DEPDC5: variants seen among roughly 807,000 people sequenced by gnomAD.
DEPDC5 encodes GATOR1 complex protein DEPDC5.
In DEPDC5, 73 loss-of-function variants were observed where a neutral mutation model predicts 217.3. The ratio of observed to expected loss-of-function variants is 0.34; its 90% CI spans 0.28 to 0.41. The LOEUF is 0.41. Among genes scored for constraint, DEPDC5 ranks in the 10% least tolerant of loss-of-function variants. The pLI is 1.00. For synonymous variants in DEPDC5, 733 were observed against 756.7 expected (o/e 0.97, Z 0.51); for missense variants, 1,675 against 2,070.1 (o/e 0.81, Z 3.70).
chr22:31,860,087 C>G (rs1400510052), intron 32 of DEPDC5, among the ~76,000 whole-genome samples: 1 of 152,224 alleles, frequency 6.6e-6, no homozygotes. Context: ...TTAGAACCCT[C>G]TCCTGATTGT....
chr22:31,824,093 G>A (rs2089947544), intron 24 of DEPDC5, among the ~76,000 whole-genome samples: 1 of 152,238 alleles, frequency 6.6e-6, no homozygotes, highest in South Asian at 2.1e-4. Flanking sequence ...GCTCACGCCT[G>A]TAATGCTCAC....
intron 27 of DEPDC5, 38 bp downstream of exon 27, chr22:31,838,883 C>G: frequency 3.8e-6 from 6 of 1,592,964 alleles, no homozygotes; most frequent in Non-Finnish European, 4.3e-6. Flanking sequence ...TTTTTCTCTT[C>G]TACTGTGTAT....
intron 35 of DEPDC5, chr22:31,873,725 C>T (rs12167583): frequency 0.32 from 53,043 of 165,210 alleles, 9,635 homozygotes; most frequent in African/African-American, 0.5. Context: ...AGGTATTCTC[C>T]GAATGTGAGT....
At chr22:31,881,887 G>C (rs943301904) in intron 38 of DEPDC5, among the ~76,000 whole-genome samples, 1 of 151,446 alleles carries the variant, frequency 6.6e-6, no homozygotes, top group Non-Finnish European at 1.5e-5. Context: ...CAGAGGTTGC[G>C]GTGAGCCTAG....
chr22:31,817,479 TG>T, intron 21 of DEPDC5: 1 of 474,532 alleles, frequency 2.1e-6, no homozygotes. Flanking sequence ...AGCAGTTTCA[TG>T]GGTGGTTTCT....
intron 31 of DEPDC5, among the ~76,000 whole-genome samples, chr22:31,855,436 G>C (rs1437542237): frequency 6.6e-6 from 1 of 151,284 alleles, no homozygotes; most frequent in Non-Finnish European, 1.5e-5. Context: ...GAGTGCAGTG[G>C]CGCGATATCG....
chr22:31,807,915 G>T (rs1043884032), intron 18 of DEPDC5, among the ~76,000 whole-genome samples: 1 of 151,964 alleles, frequency 6.6e-6, no homozygotes, highest in Non-Finnish European at 1.5e-5. Context: ...TTAGGGGGGA[G>T]GGCTGTTAAT....
intron 7 of DEPDC5, among the ~76,000 whole-genome samples, chr22:31,775,940 C>G (rs1455786215): frequency 1.4e-5 from 2 of 148,006 alleles, no homozygotes; most frequent in Non-Finnish European, 3.0e-5. Flanking sequence ...ACTCGGGAGG[C>G]TGAGGCAGGA....
chr22:31,906,873 G>A lies in DEPDC5; in HGVS notation c.*376G>A. On this transcript the variant is annotated 3_prime_UTR_variant, in exon 43 of 43. Coordinates refer to ENST00000651528, the MANE Select transcript of DEPDC5 (RefSeq NM_001242896.3). The surrounding 1 kb of genome is among the most constrained non-coding windows in gnomAD (Gnocchi z 5.1). The stretch of plus-strand genomic sequence containing the variant: ...CATCCTTTTCCTTCACCATCTATGG[G>A]ATATTAGGGGCAGAATCTGCCACTT... 2.9e-6 allele frequency: 1 copy of A among 349,170 alleles called. No individual in the cohort carries two copies. The highest frequency in any genetic ancestry group is 5.3e-6 in the Non-Finnish European group (1 of 187,228). The allele number at this position is 349,170 out of a possible 1,614,324, so 21.6% of individuals were successfully genotyped here. A position where few individuals can be genotyped will look rare whatever the true frequency, so the allele number is the denominator to read the frequency against.
chr22:31,782,819 G>C (rs529966838), intron 8 of DEPDC5, among the ~76,000 whole-genome samples: 3 of 152,302 alleles, frequency 2.0e-5, no homozygotes, highest in African/African-American at 7.2e-5. Context: ...TAAGCTCCTG[G>C]AGGGCAGGGA....
At chr22:31,899,032 C>T (rs1185433115) in intron 40 of DEPDC5, among the ~76,000 whole-genome samples, 2 of 152,232 alleles carry the variant, frequency 1.3e-5, no homozygotes, top group Non-Finnish European at 2.9e-5. Context: ...GATCTTCCCC[C>T]GAAACTGTCC....
chr22:31,888,862 G>A (rs1038243778), intron 38 of DEPDC5, among the ~76,000 whole-genome samples: 1 of 152,118 alleles, frequency 6.6e-6, no homozygotes, highest in East Asian at 1.9e-4. Flanking sequence ...TTTTCTTGAC[G>A]GCCCACTGGA....
At chr22:31,773,444 C>T (rs2083528629) in intron 7 of DEPDC5, among the ~76,000 whole-genome samples, 1 of 152,128 alleles carries the variant, frequency 6.6e-6, no homozygotes, top group South Asian at 2.1e-4. Flanking sequence ...CTCAAACGAT[C>T]CTCTTGGCTC....
In DEPDC5 at chr22:31,840,674, A is replaced by AT. The variant is rs1238556132; in HGVS notation, c.2515+1836dup. 2.6e-5 allele frequency among the ~76,000 whole-genome samples: 4 copies of AT among 152,016 alleles called. No individual in the cohort carries two copies. The East Asian group carries it at 7.7e-4, about 29-fold the overall frequency. ...TTGCCTGACTGTATCCTTTCTGGTTATTTTTTTGCTGTGATAAATTTAATC... is the reference window on the plus strand; with the variant it reads ...TTGCCTGACTGTATCCTTTCTGGTTATTTTTTTTGCTGTGATAAATTTAATC... On this transcript the variant is annotated intron_variant, in intron 27 of 42. Coordinates refer to ENST00000651528, the MANE Select transcript of DEPDC5 (RefSeq NM_001242896.3).
At chr22:31,833,268 A>G (rs2090739610) in intron 24 of DEPDC5, among the ~76,000 whole-genome samples, 1 of 152,216 alleles carries the variant, frequency 6.6e-6, no homozygotes, top group South Asian at 2.1e-4. Flanking sequence ...CTTTAAAATT[A>G]ATTGTATTAC....
At chr22:31,874,102 A>G (rs1052311086) in intron 35 of DEPDC5, 171 bp from the exon 36 acceptor site, 24 of 1,071,690 alleles carry the variant, frequency 2.2e-5, no homozygotes, top group Non-Finnish European at 3.0e-5. Flanking sequence ...CCCCGGTAAC[A>G]GTTTCTTTTG....
At chr22:31,864,790 G>A (rs984912746) in intron 33 of DEPDC5, among the ~76,000 whole-genome samples, 1 of 152,018 alleles carries the variant, frequency 6.6e-6, no homozygotes, top group East Asian at 1.9e-4. Context: ...CTGGGTTCAA[G>A]TGATTCTTCT....
At chr22:31,818,679 T>A (rs2089401583) in intron 21 of DEPDC5, among the ~76,000 whole-genome samples, 1 of 152,190 alleles carries the variant, frequency 6.6e-6, no homozygotes, top group Admixed American at 6.5e-5. Context: ...GAGAATATAC[T>A]CGTTCCTTTC....
chr22:31,830,205 C>G (rs1343791545), intron 24 of DEPDC5, among the ~76,000 whole-genome samples: 1 of 152,226 alleles, frequency 6.6e-6, no homozygotes, highest in Non-Finnish European at 1.5e-5. Flanking sequence ...CCTAGAGGCT[C>G]CACACTGAGT....
Sources: allele counts gnomAD v4.1 joint callset (sites outside exome capture counted in the v4.1 genomes callset), GRCh38; gene constraint gnomAD v4.1.1; non-coding constraint Gnocchi (gnomAD v3.1); transcripts MANE v1.5; gene names NCBI Gene and HGNC (gene_info 2026-07-23, HGNC 2026-07-21).